ITGA4: variants seen among roughly 807,000 people sequenced by gnomAD.
ITGA4 encodes integrin alpha-4.
Under a neutral mutation model 133.6 loss-of-function variants are expected in ITGA4, and 63 were observed. That is an observed-to-expected ratio of 0.47 (90% CI 0.38 to 0.58). The LOEUF (loss-of-function observed/expected upper bound fraction) is 0.58. ITGA4 is among the 20% of genes least tolerant of loss of function. The pLI, the probability that ITGA4 is intolerant of heterozygous loss-of-function variation, is 0.00. For missense variants in ITGA4, 1,076 were observed against 1,252.7 expected, an observed-to-expected ratio of 0.86 and a Z score of 2.13; for synonymous variants, 483 against 438.0, an observed-to-expected ratio of 1.10 and a Z score of -1.28.
intron 16 of ITGA4, 85 bp downstream of exon 16, chr2:181,509,892 A>C: frequency 2.1e-6 from 2 of 974,178 alleles, no homozygotes; most frequent in South Asian, 1.6e-5. Context: ...GAAGTGAACT[A>C]TATGTCGGAA....
rs757419963 is a variant in ITGA4 at position 181,537,422 on chromosome 2, CTTACT to C, written c.*1898_*1902del. On this transcript the variant is annotated 3_prime_UTR_variant, in exon 28 of 28. Coordinates refer to ENST00000397033, the MANE Select transcript of ITGA4 (RefSeq NM_000885.6). Reference sequence around the variant, plus strand: ...AGTTCAAAATAGTATTTGTTATCAACTTACTTTGTTACTTGTATCATGAATTTTAA... The same window carrying C: ...AGTTCAAAATAGTATTTGTTATCAACTTGTTACTTGTATCATGAATTTTAA... 2.6e-5 allele frequency: 12 copies of C among 453,904 alleles called. 1 individual carries two copies. The highest frequency in any genetic ancestry group is 1.9e-4 in the South Asian group (12 of 64,450). The allele number at this position is 453,904 out of a possible 1,614,324, so 28.1% of individuals were successfully genotyped here.
At position 181,480,281 on chromosome 2, in the gene ITGA4, G is replaced by T. The variant is rs745404735; in HGVS notation, c.754+15G>T. On this transcript the variant is annotated intron_variant, in intron 6 of 27. Coordinates refer to ENST00000397033, the MANE Select transcript of ITGA4 (RefSeq NM_000885.6). ...AAGTTATTTAGGTACTATAAAAATTGACAAACTTAAATGATCTGTGCCTTA... is the reference window on the plus strand; with the variant it reads ...AAGTTATTTAGGTACTATAAAAATTTACAAACTTAAATGATCTGTGCCTTA... The T allele has an allele frequency of 4.5e-6, 6 of 1,338,480 alleles. No individual in the cohort carries two copies. The highest frequency in any genetic ancestry group is 1.5e-5 in the African/African-American group (1 of 66,470). 82.9% of individuals were successfully genotyped at this position (1,338,480 alleles called of 1,614,324 possible).
intron 24 of ITGA4, among the ~76,000 whole-genome samples, chr2:181,530,897 G>A (rs1686931633): frequency 6.6e-6 from 1 of 152,198 alleles, no homozygotes. Context: ...GGGAGGCCGA[G>A]GTGGGCAGAT....
Position 181,457,515 on chromosome 2 carries a change from C to A in ITGA4, c.-140C>A. On this transcript the variant is annotated 5_prime_UTR_variant, in exon 1 of 28. Coordinates refer to ENST00000397033, the MANE Select transcript of ITGA4 (RefSeq NM_000885.6). ...GGGCCGACTTCCCCTCCTCTTCCCT[C>A]TCTCCTTCCTTTAGCCCGCTGGCGC... is the stretch of plus-strand genomic sequence containing the variant. 1.3e-6 allele frequency: 1 copy of A among 791,872 alleles called. No homozygotes were observed. The highest frequency in any genetic ancestry group is 1.9e-6 in the Non-Finnish European group (1 of 514,374). The allele number at this position is 791,872 out of a possible 1,614,324, so 49.1% of individuals were successfully genotyped here.
chr2:181,481,240 G>C (rs899729084), intron 6 of ITGA4, among the ~76,000 whole-genome samples: 2 of 152,100 alleles, frequency 1.3e-5, no homozygotes, highest in Non-Finnish European at 2.9e-5. Context: ...ACTTCAGCAA[G>C]ATGTTTATTT....
chr2:181,522,171 T>C lies in ITGA4; in HGVS notation c.1923-20T>C, dbSNP rs192652935. ...TTTTATTTCCTAAACAAGAACTAAATAATATTACTTAATTTTTAGGCCCCA... is the reference window on the plus strand; with the variant it reads ...TTTTATTTCCTAAACAAGAACTAAACAATATTACTTAATTTTTAGGCCCCA... On this transcript the variant is annotated intron_variant, in intron 17 of 27. Coordinates refer to ENST00000397033, the MANE Select transcript of ITGA4 (RefSeq NM_000885.6). 3.5e-4 allele frequency: 519 copies of C among 1,479,106 alleles called. 3 individuals carry two copies. The African/African-American group carries it at 6.3e-3, about 18-fold the overall frequency. The allele number at this position is 1,479,106 out of a possible 1,614,324, so 91.6% of individuals were successfully genotyped here. A position where few individuals can be genotyped will look rare whatever the true frequency, so the allele number is the denominator to read the frequency against.
intron 24 of ITGA4, among the ~76,000 whole-genome samples, chr2:181,531,087 C>T (rs962323956): frequency 6.6e-6 from 1 of 151,912 alleles, no homozygotes; most frequent in African/African-American, 2.4e-5. Flanking sequence ...TGCACTCCAG[C>T]CTGGGTGACA....
intron 6 of ITGA4, among the ~76,000 whole-genome samples, chr2:181,480,729 A>AG (rs1294397462): frequency 1.3e-5 from 2 of 152,126 alleles, no homozygotes; most frequent in African/African-American, 4.8e-5. Flanking sequence ...ATTCTGGATG[A>AG]GGGGCTCCAT....
intron 15 of ITGA4, among the ~76,000 whole-genome samples, chr2:181,504,910 A>G (rs1686362596): frequency 6.6e-6 from 1 of 151,770 alleles, no homozygotes; most frequent in Admixed American, 6.6e-5. Context: ...CACTTGAGCC[A>G]AGCTTACTAG....
chr2:181,522,619 T>C (rs553375298), intron 18 of ITGA4, among the ~76,000 whole-genome samples: 1 of 152,274 alleles, frequency 6.6e-6, no homozygotes, highest in East Asian at 1.9e-4. Context: ...CGTCTGATGT[T>C]GGAACAGTAT....
In ITGA4 at chr2:181,526,832, T is replaced by TTTTTTTTC. The variant is rs1559056805; in HGVS notation, c.2340-458_2340-457insCTTTTTTT. Among the ~76,000 whole-genome samples the TTTTTTTTC allele has an allele frequency of 4.2e-5, 4 of 94,204 alleles. No individual in the cohort carries two copies. The East Asian group carries it at 1.0e-3, about 25-fold the overall frequency. The allele number at this position is 94,204 out of a possible 152,430, so 61.8% of individuals were successfully genotyped here. On this transcript the variant is annotated intron_variant, in intron 21 of 27. Transcript: ENST00000397033. ...TCAGAGCACATGGCCTTTTTTTTTT[T>TTTTTTTTC]TTTTTTTTTTTTTTTTTTTTTAAGA...
At chr2:181,496,075 T>C in intron 14 of ITGA4, 138 bp downstream of exon 14, 1 of 791,238 alleles carries the variant, frequency 1.3e-6, no homozygotes, top group Non-Finnish European at 2.0e-6. Context: ...TGATGCATGC[T>C]TTTCCTCTCC....
Position 181,523,024 on chromosome 2 carries a change from A to G in ITGA4, c.2074-413A>G, listed in dbSNP as rs1186816884. Among the ~76,000 whole-genome samples the G allele has an allele frequency of 2.0e-5, 3 of 152,164 alleles. No individual in the cohort carries two copies. The highest frequency in any genetic ancestry group is 4.4e-5 in the Non-Finnish European group (3 of 68,028). ...AGAGGACCATTAAAATATGAACCTT[A>G]TGGATTCCTTGCCTCATGATTTTTC... On this transcript the variant is annotated intron_variant, in intron 18 of 27. Coordinates refer to ENST00000397033, the MANE Select transcript of ITGA4 (RefSeq NM_000885.6). The surrounding 1 kb of genome is among the most constrained non-coding windows in gnomAD (Gnocchi z 4.2).
At position 181,458,099 on chromosome 2, in the gene ITGA4, G is replaced by A. The variant is rs1685174184; in HGVS notation, c.198-97G>A. 9.8e-6 allele frequency: 15 copies of A among 1,534,512 alleles called. No homozygotes were observed. The East Asian group carries it at 3.0e-4, about 30-fold the overall frequency. On this transcript the variant is annotated intron_variant, in intron 1 of 27. Transcript: ENST00000397033. ...GGTGGTGGGCGGAGGAGGAGGTGGG[G>A]AAGCTGCCCTGCTGCGGACTGCACA... is the stretch of plus-strand genomic sequence containing the variant.
Position 181,534,352 on chromosome 2 carries a change from G to A in ITGA4, c.2865G>A (p.Lys955=). 1.3e-6 allele frequency: 2 copies of A among 1,599,148 alleles called. No homozygotes were observed. Among genetic ancestry groups the A allele is most frequent in the East Asian group, 4.5e-5 (2 of 44,688 alleles). ...EPNPRVIELN[K]DENVAHVLLE... ...ATCCAAGAGTAATTGAACTAAACAAGGATGAGAATGTTGCGCATGTAAGAT... is the reference window on the plus strand; with the variant it reads ...ATCCAAGAGTAATTGAACTAAACAAAGATGAGAATGTTGCGCATGTAAGAT... Residue 955 remains lysine (K), a synonymous_variant, in exon 26 of 28, where the codon AAG becomes AAA. Coordinates refer to ENST00000397033, the MANE Select transcript of ITGA4 (RefSeq NM_000885.6).
intron 24 of ITGA4, among the ~76,000 whole-genome samples, chr2:181,531,216 G>T (rs541318421): frequency 6.6e-6 from 1 of 152,220 alleles, no homozygotes; most frequent in Admixed American, 6.5e-5. Context: ...GACACCAAGA[G>T]GTTGTCTTCA....
chr2:181,517,793 T>C (rs1162787968), intron 17 of ITGA4, among the ~76,000 whole-genome samples: 1 of 152,004 alleles, frequency 6.6e-6, no homozygotes, highest in East Asian at 1.9e-4. Context: ...AATGTGAACA[T>C]TGTGTTTCTC....
At chr2:181,492,762 A>G (rs968830387) in intron 10 of ITGA4, among the ~76,000 whole-genome samples, 3 of 152,240 alleles carry the variant, frequency 2.0e-5, no homozygotes, top group Admixed American at 6.5e-5. Flanking sequence ...GTGTGCAGAT[A>G]TCTCTAACAG....
chr2:181,463,045 T>C (rs1340628964), intron 2 of ITGA4, among the ~76,000 whole-genome samples: 2 of 152,280 alleles, frequency 1.3e-5, no homozygotes, highest in East Asian at 3.9e-4. Flanking sequence ...AATAAAGTGA[T>C]GCATTCCTGA....
Sources: allele counts gnomAD v4.1 joint callset (sites outside exome capture counted in the v4.1 genomes callset), GRCh38; gene constraint gnomAD v4.1.1; non-coding constraint Gnocchi (gnomAD v3.1); transcripts MANE v1.5; gene names NCBI Gene and HGNC (gene_info 2026-07-23, HGNC 2026-07-21).